The following TNR variants were observed in gnomAD, a reference collection of about 807,000 sequenced individuals.
TNR encodes tenascin R, also known as tenascin-R.
TNR carries 45 observed loss-of-function variants against 150.4 expected under a neutral mutation model. That is an observed-to-expected ratio of 0.30 (90% CI 0.24 to 0.38). TNR has a LOEUF of 0.38. TNR is among the 10% of genes least tolerant of loss of function. The pLI is 1.00. For missense variants in TNR, 1,544 were observed against 1,759.1 expected (o/e 0.88, Z 2.19); for synonymous variants, 687 against 678.4 (o/e 1.01, Z -0.20).
At chr1:175,563,065 G>A (rs1466296236) in intron 1 of TNR, among the ~76,000 whole-genome samples, 1 of 152,226 alleles carries the variant, frequency 6.6e-6, no homozygotes, top group African/African-American at 2.4e-5. Context: ...ATTTGTCCAT[G>A]AAAGGGTCTC....
At chr1:175,736,459 T>C (rs1485203214) in intron 1 of TNR, among the ~76,000 whole-genome samples, 1 of 151,942 alleles carries the variant, frequency 6.6e-6, no homozygotes, top group Non-Finnish European at 1.5e-5. Context: ...AGGCAGAGTT[T>C]GCAGTGAGCC....
At chr1:175,419,120 A>C (rs760135114) in intron 2 of TNR, among the ~76,000 whole-genome samples, 9 of 152,180 alleles carry the variant, frequency 5.9e-5, no homozygotes, top group Non-Finnish European at 1.2e-4. Context: ...ATAATTTCTT[A>C]AATCCCCTTT....
intron 1 of TNR, among the ~76,000 whole-genome samples, chr1:175,579,216 C>G (rs1207388146): frequency 6.7e-6 from 1 of 149,506 alleles, no homozygotes; most frequent in Non-Finnish European, 1.5e-5. Context: ...TTCTTTCCTT[C>G]CTTCCTTCTT....
At chr1:175,529,913 G>A (rs1289304665) in intron 1 of TNR, among the ~76,000 whole-genome samples, 1 of 152,072 alleles carries the variant, frequency 6.6e-6, no homozygotes, top group Non-Finnish European at 1.5e-5. Flanking sequence ...TAAAAACACC[G>A]GGTACTTTTG....
chr1:175,377,038 G>A (rs1390709903), intron 9 of TNR, among the ~76,000 whole-genome samples: 1 of 152,090 alleles, frequency 6.6e-6, no homozygotes, highest in East Asian at 1.9e-4. Flanking sequence ...AGCTGTGGAA[G>A]GGGAATCTTC....
intron 1 of TNR, among the ~76,000 whole-genome samples, chr1:175,669,978 C>G (rs902507424): frequency 6.6e-6 from 1 of 152,218 alleles, no homozygotes; most frequent in Non-Finnish European, 1.5e-5. Flanking sequence ...GAACTCTACA[C>G]TCTGTTTCAC....
chr1:175,600,789 G>A (rs999711116), intron 1 of TNR, among the ~76,000 whole-genome samples: 4 of 152,144 alleles, frequency 2.6e-5, no homozygotes, highest in African/African-American at 9.7e-5. Context: ...CTTTGGGAAG[G>A]TCACAGCAAA....
intron 1 of TNR, among the ~76,000 whole-genome samples, chr1:175,686,103 TAA>T (rs907556710): frequency 1.3e-5 from 2 of 152,126 alleles, no homozygotes; most frequent in African/African-American, 2.4e-5. Flanking sequence ...AAAAAAATCA[TAA>T]GTTTTTTATT....
intron 12 of TNR, among the ~76,000 whole-genome samples, chr1:175,364,327 CTT>C (rs71129505): frequency 2.0e-4 from 29 of 142,398 alleles, no homozygotes; most frequent in African/African-American, 2.8e-4. Flanking sequence ...ATGCTATGGG[CTT>C]TTTTTTTTTT....
At chr1:175,675,132 A>C (rs1665820634) in intron 1 of TNR, among the ~76,000 whole-genome samples, 1 of 152,246 alleles carries the variant, frequency 6.6e-6, no homozygotes, top group Non-Finnish European at 1.5e-5. Flanking sequence ...AATGTTGGCA[A>C]GTTGCAGAGC....
intron 1 of TNR, among the ~76,000 whole-genome samples, chr1:175,574,537 G>A (rs1267242130): frequency 4.6e-5 from 7 of 152,144 alleles, no homozygotes; most frequent in Non-Finnish European, 7.3e-5. Context: ...GCAGCGATAA[G>A]ATATGGCGCT....
rs1194976082 is a variant in TNR at position 175,320,868 on chromosome 1, C to G, written c.*2489G>C. On this transcript the variant is annotated 3_prime_UTR_variant, in exon 23 of 23. Transcript: ENST00000367674. ...AGTGAATTTTCATTACCTAATTGTG[C>G]TGTCCCACCATGCCAATTTCTACTT... The G allele has an allele frequency of 6.7e-6, 1 of 150,264 alleles. No individual in the cohort carries two copies. Among genetic ancestry groups the G allele is most frequent in the Non-Finnish European group, 1.5e-5 (1 of 67,754 alleles). 9.3% of individuals were successfully genotyped at this position (150,264 alleles called of 1,614,324 possible).
chr1:175,710,365 T>C (rs1226022068), intron 1 of TNR, among the ~76,000 whole-genome samples: 2 of 152,106 alleles, frequency 1.3e-5, no homozygotes, highest in Admixed American at 6.5e-5. Flanking sequence ...AGGGTGGGGA[T>C]GTTGATTTCT....
intron 1 of TNR, among the ~76,000 whole-genome samples, chr1:175,692,568 C>G (rs1215218798): frequency 2.0e-5 from 3 of 152,196 alleles, no homozygotes; most frequent in African/African-American, 7.2e-5. Context: ...AGCTCATTTT[C>G]CCACGTACAG....
chr1:175,593,349 G>T (rs913789311), intron 1 of TNR, among the ~76,000 whole-genome samples: 1 of 152,168 alleles, frequency 6.6e-6, no homozygotes, highest in Non-Finnish European at 1.5e-5. Flanking sequence ...CTCACATAGA[G>T]CCAGTTAATG....
chr1:175,647,074 G>A (rs538839771), intron 1 of TNR, among the ~76,000 whole-genome samples: 2 of 152,348 alleles, frequency 1.3e-5, no homozygotes, highest in South Asian at 4.1e-4. Flanking sequence ...GAGCACCACA[G>A]ACAAGCTTCA....
chr1:175,523,842 C>A (rs1272020355), intron 2 of TNR, among the ~76,000 whole-genome samples: 1 of 152,170 alleles, frequency 6.6e-6, no homozygotes, highest in Non-Finnish European at 1.5e-5. Flanking sequence ...TTCTCAGGAT[C>A]TCCACTCAAA....
chr1:175,673,890 A>G (rs1665777202), intron 1 of TNR, among the ~76,000 whole-genome samples: 1 of 152,242 alleles, frequency 6.6e-6, no homozygotes, highest in Non-Finnish European at 1.5e-5. Context: ...CAAAACAACA[A>G]AAAACCACAT....
chr1:175,603,849 A>G (rs1663326637), intron 1 of TNR, among the ~76,000 whole-genome samples: 1 of 152,202 alleles, frequency 6.6e-6, no homozygotes. Flanking sequence ...GAAGTTATCT[A>G]TCCCCTGTCC....
Sources: gnomAD v4.1 joint callset for allele counts (sites outside exome capture counted in the v4.1 genomes callset) on GRCh38, gnomAD v4.1.1 for gene constraint, MANE v1.5 for transcripts, NCBI Gene and HGNC (gene_info 2026-07-23, HGNC 2026-07-21) for gene names.